The following SLC41A2 variants were observed in gnomAD, a reference collection of about 807,000 sequenced individuals.
SLC41A2 encodes SLC41A1-like 1.
In SLC41A2, 32 loss-of-function variants were observed where a neutral mutation model predicts 58.3. The observed-to-expected ratio is 0.55, with a 90% CI of 0.41 to 0.74. The LOEUF (loss-of-function observed/expected upper bound fraction) is 0.74. SLC41A2 is among the 30% of genes least tolerant of loss of function. The pLI is 0.00. For synonymous variants in SLC41A2, 190 were observed against 235.0 expected, an observed-to-expected ratio of 0.81 and a Z score of 1.75; for missense variants, 514 against 680.6, an observed-to-expected ratio of 0.76 and a Z score of 2.72.
intron 10 of SLC41A2, among the ~76,000 whole-genome samples, chr12:104,834,649 C>T (rs925891819): frequency 1.3e-5 from 2 of 151,194 alleles, no homozygotes; most frequent in African/African-American, 2.4e-5. Context: ...GAGATGCCAT[C>T]TGGGAACAGG....
chr12:104,821,739 GT>G (rs1369835422), intron 10 of SLC41A2, among the ~76,000 whole-genome samples: 7 of 152,184 alleles, frequency 4.6e-5, no homozygotes, highest in Non-Finnish European at 1.0e-4. Flanking sequence ...AGGATGAAAA[GT>G]TTCCTCTGGA....
intron 4 of SLC41A2, among the ~76,000 whole-genome samples, chr12:104,894,571 T>C (rs2045187841): frequency 6.6e-6 from 1 of 152,192 alleles, no homozygotes; most frequent in Admixed American, 6.5e-5. Flanking sequence ...TGTCCTTGAA[T>C]TACATTACAT....
In SLC41A2 at chr12:104,846,601, T is replaced by C. The variant is rs187048745; in HGVS notation, c.1256-627A>G. Among the ~76,000 whole-genome samples the C allele has an allele frequency of 1.1e-4, 16 of 152,304 alleles. No individual in the cohort carries two copies. The East Asian group carries it at 2.1e-3, about 20-fold the overall frequency. On this transcript the variant is annotated intron_variant, in intron 8 of 10. Transcript: ENST00000258538. ...CTGATGAGTGTAGGACTGCCTAAGA[T>C]TGGGGACAGAGCAAGAGAATCTCAA...
intron 1 of SLC41A2, among the ~76,000 whole-genome samples, chr12:104,943,157 A>G (rs1417787448): frequency 6.6e-6 from 1 of 152,224 alleles, no homozygotes; most frequent in Non-Finnish European, 1.5e-5. Context: ...TTAAAAGGAA[A>G]AAAAGCAAAA....
At chr12:104,924,474 G>A (rs1018139082) in intron 2 of SLC41A2, among the ~76,000 whole-genome samples, 48 of 152,344 alleles carry the variant, frequency 3.2e-4, no homozygotes, top group African/African-American at 1.1e-3. Context: ...GCCTGGTGTG[G>A]TGGCTCACGC....
At chr12:104,929,932 T>C (rs1197594172) in intron 1 of SLC41A2, among the ~76,000 whole-genome samples, 1 of 152,206 alleles carries the variant, frequency 6.6e-6, no homozygotes, top group Non-Finnish European at 1.5e-5. Flanking sequence ...TAGCAAGGAA[T>C]GGCAAAGGGA....
chr12:104,939,266 T>C (rs938144109), intron 1 of SLC41A2, among the ~76,000 whole-genome samples: 2 of 152,208 alleles, frequency 1.3e-5, no homozygotes, highest in Non-Finnish European at 2.9e-5. Flanking sequence ...GTTGCAATCA[T>C]AGCTCACCAA....
At chr12:104,840,395 A>T (rs1483621086) in intron 10 of SLC41A2, among the ~76,000 whole-genome samples, 1 of 152,256 alleles carries the variant, frequency 6.6e-6, no homozygotes, top group Admixed American at 6.5e-5. Flanking sequence ...AAATAAAAAA[A>T]TTATATTCTA....
chr12:104,924,793 T>C (rs1407669028), intron 2 of SLC41A2, among the ~76,000 whole-genome samples: 1 of 151,958 alleles, frequency 6.6e-6, no homozygotes, highest in Non-Finnish European at 1.5e-5. Flanking sequence ...TGTCCATTCA[T>C]AGCAGAATAG....
intron 10 of SLC41A2, among the ~76,000 whole-genome samples, chr12:104,816,489 T>G (rs2041409563): frequency 6.6e-6 from 1 of 152,206 alleles, no homozygotes; most frequent in Non-Finnish European, 1.5e-5. Flanking sequence ...ACTTGTGCCC[T>G]CTGCCTCTCC....
chr12:104,805,919 T>A (rs1000683439), intron 10 of SLC41A2, among the ~76,000 whole-genome samples: 2 of 152,162 alleles, frequency 1.3e-5, no homozygotes, highest in Non-Finnish European at 2.9e-5. Flanking sequence ...AAAAGATTAT[T>A]CAAACATGAA....
At chr12:104,933,960 A>G (rs2135914056) in intron 1 of SLC41A2, among the ~76,000 whole-genome samples, 1 of 152,126 alleles carries the variant, frequency 6.6e-6, no homozygotes, top group East Asian at 1.9e-4. Flanking sequence ...AAAACCACCT[A>G]TTAGGTACAA....
chr12:104,871,576 T>C (rs1385993368), intron 6 of SLC41A2, among the ~76,000 whole-genome samples: 2 of 152,210 alleles, frequency 1.3e-5, no homozygotes, highest in Non-Finnish European at 2.9e-5. Context: ...TTTTCTATAG[T>C]GGTACTAATT....
Position 104,927,968 on chromosome 12 carries a change from C to A in SLC41A2, c.555+5G>T. On this transcript the variant is annotated splice_donor_5th_base_variant and intron_variant, in intron 2 of 10. Transcript: ENST00000258538. The stretch of plus-strand genomic sequence containing the variant: ...CAGTAAAGTTAAATAAAGATGAAAA[C>A]CCACCTGTACTATATCCAGTACCAT... 1.9e-6 allele frequency: 3 copies of A among 1,540,622 alleles called. No individual in the cohort carries two copies. Among genetic ancestry groups the A allele is most frequent in the Admixed American group, 2.1e-5 (1 of 47,706 alleles).
intron 8 of SLC41A2, among the ~76,000 whole-genome samples, chr12:104,854,939 G>A (rs1002912479): frequency 6.6e-6 from 1 of 152,118 alleles, no homozygotes; most frequent in African/African-American, 2.4e-5. Context: ...AGTGAGATAA[G>A]GGGTTATCCT....
At chr12:104,848,804 G>T (rs1281374492) in intron 8 of SLC41A2, among the ~76,000 whole-genome samples, 2 of 151,736 alleles carry the variant, frequency 1.3e-5, no homozygotes, top group Non-Finnish European at 2.9e-5. Flanking sequence ...ATAATTGGAT[G>T]AATAAATGCA....
chr12:104,839,528 G>C (rs929736797), intron 10 of SLC41A2, among the ~76,000 whole-genome samples: 13 of 148,926 alleles, frequency 8.7e-5, no homozygotes, highest in Non-Finnish European at 1.8e-4. Context: ...TTTTGAGATG[G>C]AGTCTCGCTC....
At chr12:104,828,777 ATATC>A (rs2041939778) in intron 10 of SLC41A2, among the ~76,000 whole-genome samples, 1 of 152,198 alleles carries the variant, frequency 6.6e-6, no homozygotes, top group South Asian at 2.1e-4. Context: ...TCCAATACAT[ATATC>A]TAACAAAAAA....
intron 1 of SLC41A2, among the ~76,000 whole-genome samples, chr12:104,933,343 CAGCCA>C (rs1371363928): frequency 6.6e-6 from 1 of 152,144 alleles, no homozygotes; most frequent in Admixed American, 6.5e-5. Context: ...CACCTAACCC[CAGCCA>C]AAACTCCCAT....
Sources: gnomAD v4.1 joint callset for allele counts (sites outside exome capture counted in the v4.1 genomes callset) on GRCh38, gnomAD v4.1.1 for gene constraint, MANE v1.5 for transcripts, NCBI Gene and HGNC (gene_info 2026-07-23, HGNC 2026-07-21) for gene names.